PTPRN2: variants seen among roughly 807,000 people sequenced by gnomAD.
PTPRN2 encodes receptor-type tyrosine-protein phosphatase N2.
Under a neutral mutation model 118.8 loss-of-function variants are expected in PTPRN2, and 74 were observed. That is an observed-to-expected ratio of 0.62 (90% CI 0.52 to 0.76). The LOEUF (loss-of-function observed/expected upper bound fraction) is 0.76, where lower values mean the gene tolerates loss of function less well. Ranked by LOEUF, PTPRN2 falls within the 30% of genes least tolerant of loss-of-function variation. The pLI is 0.00. For synonymous variants in PTPRN2, 641 were observed against 608.0 expected (o/e 1.05, Z -0.80); for missense variants, 1,481 against 1,394.4 (o/e 1.06, Z -0.99).
At chr7:157,960,282 A>C (rs1801441329) in intron 11 of PTPRN2, among the ~76,000 whole-genome samples, 1 of 152,246 alleles carries the variant, frequency 6.6e-6, no homozygotes, top group South Asian at 2.1e-4. Flanking sequence ...CTGTGAATGT[A>C]CTTAATGCCA....
chr7:158,583,329 C>T lies in PTPRN2; in HGVS notation c.112+4229G>A, dbSNP rs1441420893. 5.9e-5 allele frequency among the ~76,000 whole-genome samples: 9 copies of T among 152,124 alleles called. No homozygotes were observed. In the East Asian group the frequency reaches 1.7e-3, roughly 29 times the overall value. ...GTCCCGTGTACCCTGTGTCGATAGC[C>T]CTATTCTTCACAGGAAGCTGGAGAC... is the stretch of plus-strand genomic sequence containing the variant. On this transcript the variant is annotated intron_variant, in intron 1 of 22. Coordinates refer to ENST00000389418, the MANE Select transcript of PTPRN2 (RefSeq NM_002847.5).
intron 12 of PTPRN2, among the ~76,000 whole-genome samples, chr7:157,772,737 G>C (rs539363462): frequency 1.2e-4 from 18 of 152,360 alleles, no homozygotes; most frequent in Admixed American, 5.9e-4. Context: ...GACCCCTGTG[G>C]GGGGTGGGAG....
chr7:158,318,191 G>A (rs1177621105), intron 2 of PTPRN2, among the ~76,000 whole-genome samples: 2 of 152,164 alleles, frequency 1.3e-5, no homozygotes, highest in Non-Finnish European at 2.9e-5. Context: ...CCACAGGCGG[G>A]AACACAGGCA....
chr7:158,336,332 C>T (rs368501013), intron 2 of PTPRN2, among the ~76,000 whole-genome samples: 152 of 92,788 alleles, frequency 1.6e-3, no homozygotes, highest in African/African-American at 4.9e-3. Context: ...AGAGGTGACA[C>T]CTGCAGACGT....
Position 158,170,511 on chromosome 7 carries a change from G to T in PTPRN2, c.550-3220C>A, listed in dbSNP as rs1823441465. The stretch of plus-strand genomic sequence containing the variant: ...AGACTTGGATAAACAATCTATTTTT[G>T]GTTTATGTTCTGAATCAAATTAAGG... On this transcript the variant is annotated intron_variant, in intron 5 of 22. Transcript: ENST00000389418. Among the ~76,000 whole-genome samples the T allele has an allele frequency of 2.6e-5, 4 of 152,114 alleles. 1 individual carries two copies. In the South Asian group the frequency reaches 8.3e-4, roughly 32 times the overall value.
At chr7:158,435,879 G>A (rs748749699) in intron 2 of PTPRN2, among the ~76,000 whole-genome samples, 5 of 152,192 alleles carry the variant, frequency 3.3e-5, no homozygotes, top group Admixed American at 1.3e-4. Context: ...AGTCCAATGC[G>A]TAGACCCAGA....
rs1485596789 is a variant in PTPRN2, at chr7:157,763,953, T to C, written c.1789-81016A>G. Among the ~76,000 whole-genome samples the C allele has an allele frequency of 6.6e-6, 1 of 152,180 alleles. No individual in the cohort carries two copies. On this transcript the variant is annotated intron_variant, in intron 12 of 22. Coordinates refer to ENST00000389418, the MANE Select transcript of PTPRN2 (RefSeq NM_002847.5). This position sits in a 1 kb window ranked among gnomAD's most constrained non-coding sequence, Gnocchi z 4.9. ...TGTGACCATTTTCCAAACACTCTCATGTTCGTTTGATCTTCATGATGTCCG... is the reference window on the plus strand; with the variant it reads ...TGTGACCATTTTCCAAACACTCTCACGTTCGTTTGATCTTCATGATGTCCG...
intron 12 of PTPRN2, among the ~76,000 whole-genome samples, chr7:157,839,640 G>C (rs1808224858): frequency 6.6e-6 from 1 of 151,946 alleles, no homozygotes; most frequent in Non-Finnish European, 1.5e-5. Context: ...GTGTATGACT[G>C]TGTGGCTATG....
chr7:158,586,951 G>C (rs1178730366), intron 1 of PTPRN2, among the ~76,000 whole-genome samples: 1 of 152,098 alleles, frequency 6.6e-6, no homozygotes, highest in Non-Finnish European at 1.5e-5. Flanking sequence ...GGCAGGAGGC[G>C]GCGCCGGGGA....
intron 12 of PTPRN2, among the ~76,000 whole-genome samples, chr7:157,809,037 T>G (rs1805806514): frequency 1.3e-5 from 2 of 152,246 alleles, no homozygotes; most frequent in African/African-American, 4.8e-5. Flanking sequence ...TGCTTTTATG[T>G]GGAATGTGGG....
In PTPRN2 at chr7:158,555,422, C is replaced by T. The variant is rs557601693; in HGVS notation, c.112+32136G>A. 6.6e-6 allele frequency among the ~76,000 whole-genome samples: 1 copy of T among 152,192 alleles called. No individual in the cohort carries two copies. The highest frequency in any genetic ancestry group is 1.5e-5 in the Non-Finnish European group (1 of 68,028). The stretch of plus-strand genomic sequence containing the variant: ...TGCCCCTCGCCCCCACCGCTCTGCC[C>T]TGCCTTCCTCGCTGAAACCTCCCAA... On this transcript the variant is annotated intron_variant, in intron 1 of 22. Transcript: ENST00000389418. This position sits in a 1 kb window ranked among gnomAD's most constrained non-coding sequence, Gnocchi z 4.7.
Position 158,203,794 on chromosome 7 carries a change from C to T in PTPRN2, c.380+1377G>A, listed in dbSNP as rs186044933. ...GAACACATCCAAAATAGAAATTCAA[C>T]ACAGCTCAAGTTGAAAACATTTTGG... On this transcript the variant is annotated intron_variant, in intron 4 of 22. Transcript: ENST00000389418. Among the ~76,000 whole-genome samples, 3 of 152,340 alleles carry T rather than the reference C, an allele frequency of 2.0e-5. No homozygotes were observed. The East Asian group carries it at 5.8e-4, about 29-fold the overall frequency.
intron 2 of PTPRN2, among the ~76,000 whole-genome samples, chr7:158,429,055 C>T (rs936828283): frequency 3.3e-5 from 5 of 152,182 alleles, no homozygotes; most frequent in African/African-American, 9.7e-5. Context: ...GCTTTGGACT[C>T]CTAGCACTGG....
intron 11 of PTPRN2, among the ~76,000 whole-genome samples, chr7:158,066,916 C>T (rs142522285): frequency 7.9e-5 from 12 of 152,234 alleles, no homozygotes; most frequent in South Asian, 2.1e-4. Flanking sequence ...GAAATAAAGA[C>T]GAAATCTTAA....
chr7:157,610,794 T>C lies in PTPRN2; in HGVS notation c.2345-6719A>G, dbSNP rs1483745781. On this transcript the variant is annotated intron_variant, in intron 15 of 22. Coordinates refer to ENST00000389418, the MANE Select transcript of PTPRN2 (RefSeq NM_002847.5). This position sits in a 1 kb window ranked among gnomAD's most constrained non-coding sequence, Gnocchi z 5.1. ...CGCATTCTGAAGGGGCAGGTCCTCT[T>C]CCTCCCACACGCTCCTGTCCTTAGT... 6.6e-6 allele frequency among the ~76,000 whole-genome samples: 1 copy of C among 152,184 alleles called. No individual in the cohort carries two copies.
chr7:158,070,377 C>CCGTGGTGGTGGAGGTGCT (rs1334986251), intron 11 of PTPRN2, among the ~76,000 whole-genome samples: 1 of 105,052 alleles, frequency 9.5e-6, no homozygotes, highest in African/African-American at 4.0e-5. Context: ...GTGGAGGTGC[C>CCGTGGTGGTGGAGGTGCT]CGTGGTGGTG....
chr7:157,710,380 G>A (rs1380495630), intron 12 of PTPRN2, among the ~76,000 whole-genome samples: 4 of 152,058 alleles, frequency 2.6e-5, no homozygotes, highest in Admixed American at 6.5e-5. Context: ...AGGCCGAGGC[G>A]GGAGGATTAC....
chr7:157,851,000 G>A (rs758315996), intron 12 of PTPRN2, among the ~76,000 whole-genome samples: 7 of 152,210 alleles, frequency 4.6e-5, no homozygotes, highest in South Asian at 2.1e-4. Flanking sequence ...GAAAAGCAGC[G>A]GAATGGGCGG....
intron 11 of PTPRN2, among the ~76,000 whole-genome samples, chr7:158,024,016 C>T (rs1454366407): frequency 1.3e-5 from 2 of 152,164 alleles, no homozygotes; most frequent in African/African-American, 4.8e-5. Flanking sequence ...TACCTCCAAA[C>T]AGAGCTGCTA....
Sources: gnomAD v4.1 joint callset for allele counts (sites outside exome capture counted in the v4.1 genomes callset) on GRCh38, gnomAD v4.1.1 for gene constraint, Gnocchi (gnomAD v3.1) non-coding constraint, MANE v1.5 for transcripts, NCBI Gene and HGNC (gene_info 2026-07-23, HGNC 2026-07-21) for gene names.